The following PSKH1 variants were observed in gnomAD, a reference collection of about 807,000 sequenced individuals.
PSKH1 encodes serine/threonine-protein kinase H1.
A neutral mutation model predicts 26.7 loss-of-function variants in PSKH1; 12 were observed. The observed-to-expected ratio is 0.45, with a 90% CI of 0.29 to 0.73. The LOEUF (loss-of-function observed/expected upper bound fraction) is 0.73. Ranked by LOEUF, PSKH1 falls within the 30% of genes least tolerant of loss-of-function variation. The pLI, the probability that PSKH1 is intolerant of heterozygous loss-of-function variation, is 0.11. For synonymous variants in PSKH1, 213 were observed against 234.3 expected, an observed-to-expected ratio of 0.91 and a Z score of 0.83; for missense variants, 431 against 595.2, an observed-to-expected ratio of 0.72 and a Z score of 2.87.
At chr16:67,905,597 C>T (rs2058153936) in intron 1 of PSKH1, among the ~76,000 whole-genome samples, 1 of 152,210 alleles carries the variant, frequency 6.6e-6, no homozygotes, top group South Asian at 2.1e-4. Context: ...CAGTGGCTCA[C>T]ACCTGTTATC....
chr16:67,927,543 G>C lies in PSKH1; in HGVS notation c.1176G>C (p.Thr392=). The part of the protein sequence containing the change: ...RCQSTKSAQS[T]RSSRSTRSNK... ...AGAGCACCAAATCTGCCCAGTCCACGCGTTCCAGCCGCTCCACACGCTCCA... is the reference window on the plus strand; with the variant it reads ...AGAGCACCAAATCTGCCCAGTCCACCCGTTCCAGCCGCTCCACACGCTCCA... The change falls in exon 3 of 3, where the codon ACG becomes ACC. Residue 392 remains threonine (T), a synonymous_variant. Transcript: ENST00000291041. This position sits in a 1 kb window ranked among gnomAD's most constrained non-coding sequence, Gnocchi z 5.5. 1 of 1,613,902 alleles carries C rather than the reference G, an allele frequency of 6.2e-7. No homozygotes were observed. Among genetic ancestry groups the C allele is most frequent in the Non-Finnish European group, 8.5e-7 (1 of 1,180,046 alleles).
At chr16:67,901,332 TTTTC>T (rs769140969) in intron 1 of PSKH1, among the ~76,000 whole-genome samples, 2 of 152,110 alleles carry the variant, frequency 1.3e-5, no homozygotes, top group Non-Finnish European at 2.9e-5. Flanking sequence ...CTTTATTTTG[TTTTC>T]TTTCTTTCTT....
At chr16:67,913,857 GA>G (rs1380439320) in intron 2 of PSKH1, among the ~76,000 whole-genome samples, 2 of 152,216 alleles carry the variant, frequency 1.3e-5, no homozygotes, top group Admixed American at 1.3e-4. Flanking sequence ...CATGCTTTAG[GA>G]GCAGGTTTTT....
chr16:67,927,363 T>C lies in PSKH1; in HGVS notation c.996T>C (p.Ile332=), dbSNP rs768803153. The C allele has an allele frequency of 1.4e-4, 232 of 1,613,358 alleles. No individual in the cohort carries two copies. The highest frequency in any genetic ancestry group is 1.9e-4 in the Non-Finnish European group (229 of 1,179,470). The stretch of plus-strand genomic sequence containing the variant: ...TGTCCAACCTGGCCAAGGACTTCAT[T>C]GACCGCCTGCTGACAGTGGACCCTG... ...PSVSNLAKDF[I]DRLLTVDPGA... Residue 332 remains isoleucine, a synonymous_variant, in exon 3 of 3, where the codon ATT becomes ATC. Coordinates refer to ENST00000291041, the MANE Select transcript of PSKH1 (RefSeq NM_006742.3). This position sits in a 1 kb window ranked among gnomAD's most constrained non-coding sequence, Gnocchi z 5.5.
intron 2 of PSKH1, chr16:67,910,186 C>A (rs892289531): frequency 3.3e-5 from 7 of 211,670 alleles, no homozygotes; most frequent in Admixed American, 2.6e-4. Context: ...TGCTTCTGGG[C>A]TGTCCTGATA....
Position 67,893,438 on chromosome 16 carries a change from C to T in PSKH1, c.-71+67C>T, listed in dbSNP as rs1236067421. Reference sequence around the variant, plus strand: ...GGGGCAGCCGAACTGTGGTCGTGGTCGCTTTCTGGCGCTCCGGGGCCTGCC... The same window carrying T: ...GGGGCAGCCGAACTGTGGTCGTGGTTGCTTTCTGGCGCTCCGGGGCCTGCC... On this transcript the variant is annotated intron_variant, in intron 1 of 2. Transcript: ENST00000291041. 3 of 152,420 alleles carry T rather than the reference C, an allele frequency of 2.0e-5. No individual in the cohort carries two copies. In the East Asian group the frequency reaches 5.8e-4, roughly 29 times the overall value. The allele number at this position is 152,420 out of a possible 1,614,324, so 9.4% of individuals were successfully genotyped here. A position where few individuals can be genotyped will look rare whatever the true frequency, so the allele number is the denominator to read the frequency against.
At chr16:67,902,214 C>T (rs918769198) in intron 1 of PSKH1, among the ~76,000 whole-genome samples, 2 of 151,110 alleles carry the variant, frequency 1.3e-5, no homozygotes, top group Non-Finnish European at 2.9e-5. Flanking sequence ...GAGCTGAGAT[C>T]GTGCCACTGC....
intron 1 of PSKH1, among the ~76,000 whole-genome samples, chr16:67,896,148 CG>C (rs1199295134): frequency 6.6e-6 from 1 of 150,862 alleles, no homozygotes; most frequent in Admixed American, 6.6e-5. Flanking sequence ...CTCGCTCTGT[CG>C]CCAGGCTGGA....
At chr16:67,923,541 G>T (rs2058208767) in intron 2 of PSKH1, among the ~76,000 whole-genome samples, 1 of 152,218 alleles carries the variant, frequency 6.6e-6, no homozygotes. Flanking sequence ...GCTGTTCTCT[G>T]ATCCCAGAGC....
chr16:67,908,664 C>T lies in PSKH1; in HGVS notation c.-70-16C>T. ...GTTGGCCTGGCTGTGCTGACTTGTT[C>T]TCTCTTTGTGTGTAGGTGTAGACGG... On this transcript the variant is annotated splice_polypyrimidine_tract_variant and intron_variant, in intron 1 of 2. Coordinates refer to ENST00000291041, the MANE Select transcript of PSKH1 (RefSeq NM_006742.3). The T allele has an allele frequency of 1.7e-6, 2 of 1,187,070 alleles. No homozygotes were observed. The highest frequency in any genetic ancestry group is 2.4e-6 in the Non-Finnish European group (2 of 845,976). 73.5% of individuals were successfully genotyped at this position (1,187,070 alleles called of 1,614,324 possible).
chr16:67,920,218 C>G (rs189451829), intron 2 of PSKH1, among the ~76,000 whole-genome samples: 329 of 152,332 alleles, frequency 2.2e-3, no homozygotes, highest in Non-Finnish European at 3.7e-3. Context: ...CTGGGAGCTG[C>G]TGGACTGTAT....
chr16:67,920,152 C>T (rs919303811), intron 2 of PSKH1, among the ~76,000 whole-genome samples: 2 of 152,200 alleles, frequency 1.3e-5, no homozygotes, highest in Non-Finnish European at 1.5e-5. Flanking sequence ...TGTCTGTCTC[C>T]ACCTGGAGAG....
chr16:67,912,825 G>A (rs1340814431), intron 2 of PSKH1, among the ~76,000 whole-genome samples: 1 of 151,852 alleles, frequency 6.6e-6, no homozygotes. Flanking sequence ...CCGAGATTGT[G>A]CCATTGCACT....
In PSKH1 at chr16:67,896,665, C is replaced by T. The variant is rs573943682; in HGVS notation, c.-71+3294C>T. Among the ~76,000 whole-genome samples, 7 of 151,712 alleles carry T rather than the reference C, an allele frequency of 4.6e-5. No individual in the cohort carries two copies. In the South Asian group the frequency reaches 1.5e-3, roughly 32 times the overall value. On this transcript the variant is annotated intron_variant, in intron 1 of 2. Transcript: ENST00000291041. ...TCAAGCGATTCTCCTGCCTCAGCCT[C>T]CCGCAATATGGTGCCTCTAAATCAG...
chr16:67,903,350 C>G (rs1333484963), intron 1 of PSKH1, among the ~76,000 whole-genome samples: 1 of 152,144 alleles, frequency 6.6e-6, no homozygotes, highest in African/African-American at 2.4e-5. Flanking sequence ...TAGGGTCTTT[C>G]TGTGTTGCCC....
At chr16:67,905,825 C>G (rs2058154434) in intron 1 of PSKH1, among the ~76,000 whole-genome samples, 1 of 152,108 alleles carries the variant, frequency 6.6e-6, no homozygotes, top group African/African-American at 2.4e-5. Context: ...TGCCAGTGCA[C>G]TCCAGCCTGG....
At chr16:67,910,307 CAG>C (rs964808510) in intron 2 of PSKH1, among the ~76,000 whole-genome samples, 11 of 152,106 alleles carry the variant, frequency 7.2e-5, no homozygotes, top group Non-Finnish European at 1.0e-4. Flanking sequence ...CAGATGAGCT[CAG>C]GGGGTGGGCT....
intron 2 of PSKH1, chr16:67,910,085 CGTGA>C (rs2058169084): frequency 2.4e-6 from 1 of 421,598 alleles, no homozygotes; most frequent in Non-Finnish European, 4.2e-6. Context: ...AGAGCAGGAA[CGTGA>C]GTTTCTTTTT....
At chr16:67,926,568 G>A (rs969342469) in intron 2 of PSKH1, among the ~76,000 whole-genome samples, 4 of 152,186 alleles carry the variant, frequency 2.6e-5, no homozygotes, top group South Asian at 2.1e-4. Flanking sequence ...TGCTGGGTTC[G>A]GGGCTGAGAT....
Sources: allele counts gnomAD v4.1 joint callset (sites outside exome capture counted in the v4.1 genomes callset), GRCh38; gene constraint gnomAD v4.1.1; non-coding constraint Gnocchi (gnomAD v3.1); transcripts MANE v1.5; gene names NCBI Gene and HGNC (gene_info 2026-07-23, HGNC 2026-07-21).